Variants in FUT8 observed in about 807,000 individuals in gnomAD.
The protein encoded by FUT8 is alpha-(1,6)-fucosyltransferase.
Under a neutral mutation model 71.3 loss-of-function variants are expected in FUT8, and 29 were observed. That is an observed-to-expected ratio of 0.41 (90% confidence interval 0.30 to 0.55). FUT8 has a LOEUF of 0.55. Ranked by LOEUF, FUT8 falls within the 20% of genes least tolerant of loss-of-function variation. FUT8 has a pLI of 0.34. For synonymous variants in FUT8, 254 were observed against 239.3 expected (o/e 1.06, Z -0.57); for missense variants, 544 against 702.1 (o/e 0.77, Z 2.55).
At chr14:65,375,847 T>G in the FUT8 span, among the ~76,000 whole-genome samples, 3 of 151,582 alleles carry the variant, frequency 2.0e-5, no homozygotes, top group Non-Finnish European at 4.4e-5. Flanking sequence ...TCCCAGCACT[T>G]TGGGAGGCCA....
At chr14:65,529,879 T>C (rs1883817031) in intron 2 of FUT8, among the ~76,000 whole-genome samples, 1 of 152,230 alleles carries the variant, frequency 6.6e-6, no homozygotes. Context: ...AGTGACTCTC[T>C]GTTGGATGTC....
the FUT8 span, among the ~76,000 whole-genome samples, chr14:65,394,390 G>T: frequency 7.2e-5 from 11 of 152,222 alleles, no homozygotes; most frequent in Admixed American, 2.6e-4. Flanking sequence ...GGGAATTATG[G>T]GAGCTACAAT....
chr14:65,432,568 C>T (rs985462940), intron 1 of FUT8, among the ~76,000 whole-genome samples: 4 of 152,108 alleles, frequency 2.6e-5, no homozygotes, highest in African/African-American at 9.7e-5. Context: ...ACCTACTGGG[C>T]TGCATTCCCA....
At chr14:65,708,389 T>G (rs1282591852) in intron 7 of FUT8, among the ~76,000 whole-genome samples, 9 of 152,210 alleles carry the variant, frequency 5.9e-5, no homozygotes. Context: ...TTACCGAATC[T>G]CAGGCAGTTC....
intron 3 of FUT8, among the ~76,000 whole-genome samples, chr14:65,563,929 G>GGT (rs1462755303): frequency 6.6e-6 from 1 of 151,932 alleles, no homozygotes; most frequent in Non-Finnish European, 1.5e-5. Context: ...TAAGTCATGT[G>GGT]GTAATACCAT....
chr14:65,365,945 C>T, the FUT8 span, among the ~76,000 whole-genome samples: 23 of 152,086 alleles, frequency 1.5e-4, no homozygotes, highest in African/African-American at 4.6e-4. Flanking sequence ...TCAAGCAATT[C>T]TCCTGCCTCA....
intron 3 of FUT8, among the ~76,000 whole-genome samples, chr14:65,606,072 AG>A (rs1338548347): frequency 2.4e-5 from 3 of 124,346 alleles, no homozygotes; most frequent in East Asian, 2.9e-4. Context: ...AAAAATTGTT[AG>A]TTTTTTTTTT....
chr14:65,477,790 G>A (rs916184002), intron 2 of FUT8, among the ~76,000 whole-genome samples: 3 of 151,856 alleles, frequency 2.0e-5, no homozygotes, highest in African/African-American at 7.3e-5. Context: ...GTCTCATTTG[G>A]TGTCAAGTCA....
At chr14:65,675,887 C>G (rs973674350) in intron 7 of FUT8, among the ~76,000 whole-genome samples, 6 of 151,868 alleles carry the variant, frequency 4.0e-5, no homozygotes, top group Non-Finnish European at 8.8e-5. Flanking sequence ...ATCCCAGCTA[C>G]TCAGGAGGCT....
intron 3 of FUT8, among the ~76,000 whole-genome samples, chr14:65,600,209 C>T (rs2075634907): frequency 6.6e-6 from 1 of 152,094 alleles, no homozygotes; most frequent in South Asian, 2.1e-4. Flanking sequence ...TTGGATTTTC[C>T]ATTTACTTGT....
intron 2 of FUT8, among the ~76,000 whole-genome samples, chr14:65,463,200 A>C (rs927533918): frequency 1.3e-5 from 2 of 152,210 alleles, no homozygotes; most frequent in African/African-American, 4.8e-5. Context: ...AAAAAGATAT[A>C]CCTCTATCAT....
intron 2 of FUT8, among the ~76,000 whole-genome samples, chr14:65,507,416 T>A (rs2066752881): frequency 6.6e-6 from 1 of 152,130 alleles, no homozygotes; most frequent in South Asian, 2.1e-4. Context: ...ATTCATCCTG[T>A]TTTTTTGTAC....
intron 7 of FUT8, among the ~76,000 whole-genome samples, chr14:65,710,945 A>G (rs1014602901): frequency 2.0e-5 from 3 of 152,136 alleles, no homozygotes; most frequent in Non-Finnish European, 4.4e-5. Context: ...GGGGTGAGGA[A>G]GATGCTGGGC....
intron 3 of FUT8, among the ~76,000 whole-genome samples, chr14:65,590,711 C>T (rs1887639860): frequency 6.6e-6 from 1 of 152,116 alleles, no homozygotes; most frequent in African/African-American, 2.4e-5. Context: ...GGTTCAGTAA[C>T]TCAGAGAAAT....
chr14:65,558,609 A>C (rs545528835), intron 2 of FUT8, among the ~76,000 whole-genome samples: 1 of 152,192 alleles, frequency 6.6e-6, no homozygotes, highest in South Asian at 2.1e-4. Context: ...AATGAACAAA[A>C]ATTATGGCGT....
intron 9 of FUT8, among the ~76,000 whole-genome samples, chr14:65,728,547 C>A (rs534180872): frequency 2.6e-5 from 4 of 152,324 alleles, no homozygotes; most frequent in Admixed American, 1.3e-4. Flanking sequence ...AAGTATTATC[C>A]TCAATCCCAT....
chr14:65,501,063 A>C (rs1045367056), intron 2 of FUT8, among the ~76,000 whole-genome samples: 5 of 152,202 alleles, frequency 3.3e-5, no homozygotes, highest in African/African-American at 1.2e-4. Context: ...AAAGCGATCA[A>C]GATCATGTTA....
rs138971119 is a variant in FUT8, at chr14:65,415,747, G to A, written c.-326+2533G>A. On this transcript the variant is annotated intron_variant, in intron 1 of 10. Coordinates refer to ENST00000673929, the MANE Select transcript of FUT8 (RefSeq NM_001371533.1). Reference sequence around the variant, plus strand: ...AAAATGGACCTTTTAGACATCTGGAGAACAATATCCCCAGGTCACTTAACC... The same window carrying A: ...AAAATGGACCTTTTAGACATCTGGAAAACAATATCCCCAGGTCACTTAACC... 2.8e-3 allele frequency among the ~76,000 whole-genome samples: 419 copies of A among 150,154 alleles called. 4 individuals carry two copies. The highest frequency in any genetic ancestry group is 9.8e-3 in the African/African-American group (399 of 40,744).
intron 7 of FUT8, among the ~76,000 whole-genome samples, chr14:65,700,381 G>GTTTTTTTTTTTTTTTTT (rs763718984): frequency 8.2e-5 from 4 of 48,850 alleles, no homozygotes; most frequent in African/African-American, 2.5e-4. Flanking sequence ...CTTTCTTTCT[G>GTTTTTTTTTTTTTTTTT]TTTTTTTTTT....
Sources: gnomAD v4.1 joint callset for allele counts (sites outside exome capture counted in the v4.1 genomes callset) on GRCh38, gnomAD v4.1.1 for gene constraint, MANE v1.5 for transcripts, NCBI Gene and HGNC (gene_info 2026-07-23, HGNC 2026-07-21) for gene names.